PTCD1: variants seen among roughly 807,000 people sequenced by gnomAD.
The protein encoded by PTCD1 is pentatricopeptide repeat-containing protein 1, mitochondrial.
A neutral mutation model predicts 53.4 loss-of-function variants in PTCD1; 50 were observed. The ratio of observed to expected loss-of-function variants is 0.94; its 90% CI spans 0.75 to 1.19. The LOEUF (loss-of-function observed/expected upper bound fraction) is 1.19, where lower values mean the gene tolerates loss of function less well. Ranked by LOEUF, PTCD1 falls within the 50% of genes most tolerant of loss-of-function variation. The probability of loss-of-function intolerance (pLI) is 0.00; values close to 1 mark genes in which losing one functional copy is unlikely to be tolerated. For synonymous variants in PTCD1, 413 were observed against 394.8 expected (o/e 1.05, Z -0.55); for missense variants, 918 against 904.8 (o/e 1.01, Z -0.19).
intron 3 of PTCD1, 78 bp downstream of exon 3, chr7:99,433,200 G>C (rs2150959540): frequency 6.2e-7 from 1 of 1,608,924 alleles, no homozygotes; most frequent in Non-Finnish European, 8.5e-7. Context: ...CCAGTGTAAA[G>C]CACTAGCAAG....
chr7:99,419,642 T>C lies in PTCD1; in HGVS notation c.*325A>G, dbSNP rs1795709643. On this transcript the variant is annotated 3_prime_UTR_variant, in exon 8 of 8. Transcript: ENST00000292478. Reference sequence around the variant, plus strand: ...GCCCCACGTCTCTTCTTTCAGAGCATCGGCCTATGGAACCCGGCGGGGCGG... The same window carrying C: ...GCCCCACGTCTCTTCTTTCAGAGCACCGGCCTATGGAACCCGGCGGGGCGG... The C allele has an allele frequency of 6.5e-6, 5 of 771,074 alleles. No homozygotes were observed. The highest frequency in any genetic ancestry group is 5.5e-5 in the Admixed American group (2 of 36,336). The allele number at this position is 771,074 out of a possible 1,614,324, so 47.8% of individuals were successfully genotyped here.
chr7:99,417,456 G>A lies in PTCD1; in HGVS notation c.*2511C>T. On this transcript the variant is annotated 3_prime_UTR_variant, in exon 8 of 8. Transcript: ENST00000292478. ...CTCTATGAATATTGTATTAAAGAAG[G>A]CTATGCAGACAAAAACCTGATTGCA... 6.2e-7 allele frequency: 1 copy of A among 1,613,644 alleles called. No individual in the cohort carries two copies. Among genetic ancestry groups the A allele is most frequent in the Non-Finnish European group, 8.5e-7 (1 of 1,179,846 alleles).
intron 1 of PTCD1, 38 bp from the exon 2 acceptor site, chr7:99,435,306 T>A (rs1796417837): frequency 5.0e-6 from 8 of 1,597,464 alleles, no homozygotes; most frequent in South Asian, 4.4e-5. Flanking sequence ...GTCAACTCAG[T>A]TCCTAGTAAC....
intron 6 of PTCD1, 50 bp downstream of exon 6, chr7:99,424,745 G>A: frequency 1.2e-6 from 2 of 1,607,296 alleles, no homozygotes; most frequent in Non-Finnish European, 1.7e-6. Context: ...CTGAGCTGCA[G>A]AGTGCTCCTG....
chr7:99,434,922 G>A lies in PTCD1; in HGVS notation c.321C>T (p.Ala107=). ...SSRRLFRKSA[A]QFHNLRFGER... Reference sequence around the variant, plus strand: ...CCCCAAACCGCAGGTTATGGAACTGGGCTGCGGATTTGCGGAATAGTCTCC... The same window carrying A: ...CCCCAAACCGCAGGTTATGGAACTGAGCTGCGGATTTGCGGAATAGTCTCC... The change falls in exon 2 of 8, where the codon GCC becomes GCT. Residue 107 remains alanine, a synonymous_variant. Transcript: ENST00000292478. The A allele has an allele frequency of 6.2e-7, 1 of 1,614,224 alleles. No homozygotes were observed. Among genetic ancestry groups the A allele is most frequent in the Non-Finnish European group, 8.5e-7 (1 of 1,180,040 alleles).
chr7:99,435,006 C>T lies in PTCD1; in HGVS notation c.237G>A (p.Gln79=). Residue 79 remains glutamine, a synonymous_variant, in exon 2 of 8, where the codon CAG becomes CAA. Transcript: ENST00000292478. ...TCTCCTCCTCCTCCTCGTCTTCTTC[C>T]TGCGTGGCCGTGGAGTTGGAGTGGC... ...DPSHSNSTAT[Q]EEDEEEEESF... The T allele has an allele frequency of 1.2e-6, 2 of 1,614,160 alleles. No individual in the cohort carries two copies. Among genetic ancestry groups the T allele is most frequent in the Non-Finnish European group, 1.7e-6 (2 of 1,180,010 alleles).
intron 1 of PTCD1, 148 bp downstream of exon 1, chr7:99,438,544 C>A (rs1237230588): frequency 4.4e-6 from 5 of 1,131,440 alleles, no homozygotes; most frequent in Middle Eastern, 2.6e-4. Flanking sequence ...CTCAGGCCAA[C>A]GCCGACCCCT....
At position 99,423,937 on chromosome 7, in the gene PTCD1, G is replaced by A. The variant is rs770452742; in HGVS notation, c.1758C>T (p.Asn586=). The A allele has an allele frequency of 1.9e-6, 3 of 1,614,064 alleles. No homozygotes were observed. Among genetic ancestry groups the A allele is most frequent in the Non-Finnish European group, 2.5e-6 (3 of 1,180,026 alleles). ...TDMKKSQVTP[N]THIYSALINA... Reference sequence around the variant, plus strand: ...TGATGAGGGCACTGTAGATGTGAGTGTTGGGGGTCACCTGGGACTTCTAGA... The same window carrying A: ...TGATGAGGGCACTGTAGATGTGAGTATTGGGGGTCACCTGGGACTTCTAGA... The change falls in exon 7 of 8, where the codon AAC becomes AAT. Residue 586 remains asparagine, a synonymous_variant. Coordinates refer to ENST00000292478, the MANE Select transcript of PTCD1 (RefSeq NM_015545.4).
Position 99,418,201 on chromosome 7 carries a change from A to G in PTCD1, c.*1766T>C, listed in dbSNP as rs1420346529. ...AGGCTGGTCTCGAACTCCCGACCTC[A>G]GGTGATCCACCCGCCTCAGCCTCCC... On this transcript the variant is annotated 3_prime_UTR_variant, in exon 8 of 8. Coordinates refer to ENST00000292478, the MANE Select transcript of PTCD1 (RefSeq NM_015545.4). The G allele has an allele frequency of 3.4e-5, 6 of 176,924 alleles. No homozygotes were observed. Among genetic ancestry groups the G allele is most frequent in the Non-Finnish European group, 5.9e-5 (5 of 84,644 alleles). 11.0% of individuals were successfully genotyped at this position (176,924 alleles called of 1,614,324 possible).
chr7:99,428,875 G>T (rs897098957), intron 5 of PTCD1, among the ~76,000 whole-genome samples: 11 of 139,716 alleles, frequency 7.9e-5, no homozygotes, highest in Non-Finnish European at 1.4e-4. Flanking sequence ...GGGCTAAGCC[G>T]ACTGCAAAGC....
chr7:99,420,080 C>T lies in PTCD1; in HGVS notation c.1990G>A (p.Val664Met). Reference sequence around the variant, plus strand: ...TGCGGGGTTTCCTCTGCGGGCATCACTGTCAGCCACTGCTTGTAATAGGCT... The same window carrying T: ...TGCGGGGTTTCCTCTGCGGGCATCATTGTCAGCCACTGCTTGTAATAGGCT... ...FRAYYKQWLT[V>M]MPAEETPHPW... is the part of the protein sequence containing the mutation. The change falls in exon 8 of 8, where the codon GTG becomes ATG. Residue 664 changes from valine (V) to methionine (M), a missense_variant. Coordinates refer to ENST00000292478, the MANE Select transcript of PTCD1 (RefSeq NM_015545.4). 1 of 1,614,242 alleles carries T rather than the reference C, an allele frequency of 6.2e-7. No homozygotes were observed. Among genetic ancestry groups the T allele is most frequent in the Non-Finnish European group, 8.5e-7 (1 of 1,180,026 alleles).
intron 7 of PTCD1, among the ~76,000 whole-genome samples, chr7:99,421,692 T>C (rs577543345): frequency 1.3e-5 from 2 of 149,346 alleles, no homozygotes; most frequent in East Asian, 4.1e-4. Flanking sequence ...GCGGCAGAGG[T>C]TGCAGTGAGG....
chr7:99,417,882 T>C lies in PTCD1; in HGVS notation c.*2085A>G. 1 of 1,360,180 alleles carries C rather than the reference T, an allele frequency of 7.4e-7. No homozygotes were observed. The highest frequency in any genetic ancestry group is 9.5e-7 in the Non-Finnish European group (1 of 1,050,046). The allele number at this position is 1,360,180 out of a possible 1,614,324, so 84.3% of individuals were successfully genotyped here. A position where few individuals can be genotyped will look rare whatever the true frequency, so the allele number is the denominator to read the frequency against. On this transcript the variant is annotated 3_prime_UTR_variant, in exon 8 of 8. Coordinates refer to ENST00000292478, the MANE Select transcript of PTCD1 (RefSeq NM_015545.4). The stretch of plus-strand genomic sequence containing the variant: ...GTGGTGGGGAGCCCTAATCCCAAGG[T>C]GGTGGCAGGGTGACATCAGGGAAGG...
intron 7 of PTCD1, among the ~76,000 whole-genome samples, 174 bp downstream of exon 7, chr7:99,423,601 G>T (rs1311524725): frequency 7.9e-5 from 12 of 152,164 alleles, no homozygotes; most frequent in African/African-American, 7.2e-5. Context: ...GAGCCACGCA[G>T]ACAGGGACTC....
At chr7:99,428,512 C>T (rs565050921) in intron 5 of PTCD1, among the ~76,000 whole-genome samples, 1 of 151,876 alleles carries the variant, frequency 6.6e-6, no homozygotes, top group Non-Finnish European at 1.5e-5. Context: ...GAGGCCCAGG[C>T]GGGCAGATCA....
At chr7:99,432,015 TCCAATCTCGAGTACC>T (rs1796273992) in intron 3 of PTCD1, among the ~76,000 whole-genome samples, 1 of 152,212 alleles carries the variant, frequency 6.6e-6, no homozygotes, top group African/African-American at 2.4e-5. Context: ...ATCGCCATTC[TCCAATCTCGAGTACC>T]CAGGGACACA....
At chr7:99,427,452 G>A (rs1796092419) in intron 5 of PTCD1, among the ~76,000 whole-genome samples, 1 of 146,958 alleles carries the variant, frequency 6.8e-6, no homozygotes, top group South Asian at 2.2e-4. Context: ...CCCTCTGCCA[G>A]GCCAGCCGCC....
In PTCD1 at chr7:99,421,790, A is replaced by G. The variant is rs61283116; in HGVS notation, c.1921-1641T>C. Among the ~76,000 whole-genome samples, 712 of 152,242 alleles carry G rather than the reference A, an allele frequency of 4.7e-3. 7 individuals carry two copies. The highest frequency in any genetic ancestry group is 0.016 in the African/African-American group (657 of 41,524). On this transcript the variant is annotated intron_variant, in intron 7 of 7. Coordinates refer to ENST00000292478, the MANE Select transcript of PTCD1 (RefSeq NM_015545.4). Reference sequence around the variant, plus strand: ...AAAGGAAAATGCATCTATTGCTGGCAACACAGCAGAGGGTCCTGACTTTAT... The same window carrying G: ...AAAGGAAAATGCATCTATTGCTGGCGACACAGCAGAGGGTCCTGACTTTAT...
At chr7:99,424,568 G>A (rs1051318921) in intron 6 of PTCD1, among the ~76,000 whole-genome samples, 1 of 152,166 alleles carries the variant, frequency 6.6e-6, no homozygotes, top group Non-Finnish European at 1.5e-5. Flanking sequence ...CCTTCTTCCG[G>A]ATGGGAACAT....
Sources: allele counts gnomAD v4.1 joint callset (sites outside exome capture counted in the v4.1 genomes callset), GRCh38; gene constraint gnomAD v4.1.1; transcripts MANE v1.5; gene names NCBI Gene and HGNC (gene_info 2026-07-23, HGNC 2026-07-21).